The following ME3 variants were observed in gnomAD, a reference collection of about 807,000 sequenced individuals.
ME3 encodes the protein NADP-dependent malic enzyme, mitochondrial.
In ME3, 48 loss-of-function variants were observed where a neutral mutation model predicts 68.9. That is an observed-to-expected ratio of 0.70 (90% CI 0.55 to 0.89). The LOEUF (loss-of-function observed/expected upper bound fraction) is 0.89, where lower values mean the gene tolerates loss of function less well. Ranked by LOEUF, ME3 falls within the 40% of genes least tolerant of loss-of-function variation. The pLI is 0.00. For missense variants in ME3, 675 were observed against 797.4 expected, an observed-to-expected ratio of 0.85 and a Z score of 1.85; for synonymous variants, 320 against 318.8, an observed-to-expected ratio of 1.00 and a Z score of -0.04.
intron 2 of ME3, among the ~76,000 whole-genome samples, chr11:86,566,119 A>T (rs901992481): frequency 2.0e-5 from 3 of 152,168 alleles, no homozygotes; most frequent in African/African-American, 7.2e-5. Context: ...CAACACTGAC[A>T]ATAGTGATCC....
chr11:86,617,045 GTTTTTTTTTTTTTTTTTTTTTT>G (rs563738961), intron 2 of ME3, among the ~76,000 whole-genome samples: 1 of 56,300 alleles, frequency 1.8e-5, no homozygotes, highest in Admixed American at 3.5e-4. Flanking sequence ...CAAGATAGTA[GTTTTTTTTTTTTTTTTTTTTTT>G]TTTTTTTTTT....
At chr11:86,500,733 A>G (rs1304243700) in intron 5 of ME3, among the ~76,000 whole-genome samples, 1 of 152,140 alleles carries the variant, frequency 6.6e-6, no homozygotes, top group Non-Finnish European at 1.5e-5. Flanking sequence ...CATTCTTCCC[A>G]GGCACACTCT....
At chr11:86,510,702 C>A (rs1354301523) in intron 4 of ME3, among the ~76,000 whole-genome samples, 1 of 152,128 alleles carries the variant, frequency 6.6e-6, no homozygotes, top group African/African-American at 2.4e-5. Context: ...TTGTGACAAC[C>A]AAGAATATCT....
intron 2 of ME3, among the ~76,000 whole-genome samples, chr11:86,570,092 A>T (rs575585192): frequency 2.9e-4 from 44 of 152,278 alleles, no homozygotes; most frequent in Middle Eastern, 3.4e-3. Flanking sequence ...CACCTGGCCC[A>T]CGGCACACAC....
intron 2 of ME3, among the ~76,000 whole-genome samples, chr11:86,569,412 G>T (rs996933653): frequency 6.6e-6 from 1 of 152,002 alleles, no homozygotes; most frequent in Non-Finnish European, 1.5e-5. Flanking sequence ...CCAATCCACA[G>T]TCGACTACCT....
intron 8 of ME3, 40 bp downstream of exon 8, chr11:86,465,051 T>G (rs1480042316): frequency 6.7e-7 from 1 of 1,497,596 alleles, no homozygotes; most frequent in Admixed American, 1.7e-5. Flanking sequence ...AGAATATAAG[T>G]TAGTCCCCTG....
At chr11:86,536,748 T>A (rs12788651) in intron 4 of ME3, among the ~76,000 whole-genome samples, 12,934 of 147,776 alleles carry the variant, frequency 0.088, 601 homozygotes, top group Non-Finnish European at 0.098. Context: ...GGGATCTAGA[T>A]CTAGAAATAC....
intron 2 of ME3, among the ~76,000 whole-genome samples, chr11:86,670,314 T>C (rs1352441437): frequency 1.3e-5 from 2 of 152,152 alleles, no homozygotes; most frequent in South Asian, 2.1e-4. Context: ...CTTCACTGAA[T>C]AGAGCTTGAG....
At chr11:86,562,772 G>A (rs918438557) in intron 2 of ME3, among the ~76,000 whole-genome samples, 1 of 151,844 alleles carries the variant, frequency 6.6e-6, no homozygotes, top group Non-Finnish European at 1.5e-5. Context: ...CCATTACCCA[G>A]GTAGTGTGCA....
intron 2 of ME3, among the ~76,000 whole-genome samples, chr11:86,653,425 C>A (rs1048379020): frequency 6.6e-6 from 1 of 152,186 alleles, no homozygotes; most frequent in Non-Finnish European, 1.5e-5. Context: ...CAAACTAGAA[C>A]TCAGGATTAA....
chr11:86,621,891 A>G (rs1042305681), intron 2 of ME3, among the ~76,000 whole-genome samples: 3 of 152,052 alleles, frequency 2.0e-5, no homozygotes, highest in African/African-American at 7.3e-5. Flanking sequence ...AGAATGTGAA[A>G]TTACTTTTTC....
At chr11:86,583,601 G>T (rs1958567573) in intron 2 of ME3, among the ~76,000 whole-genome samples, 1 of 152,090 alleles carries the variant, frequency 6.6e-6, no homozygotes, top group African/African-American at 2.4e-5. Flanking sequence ...CAGGTGCAGT[G>T]GATGCTGTTA....
chr11:86,438,088 C>T (rs965072384), downstream of ME3, among the ~76,000 whole-genome samples: 1 of 152,124 alleles, frequency 6.6e-6, no homozygotes, highest in Non-Finnish European at 1.5e-5. Context: ...ATTCTTTTAC[C>T]ATTAAATATG....
chr11:86,441,309 G>C, exon 15 of ME3: 5 of 1,607,148 alleles, frequency 3.1e-6, no homozygotes, highest in Non-Finnish European at 4.2e-6. Context: ...TGGCTTCCTT[G>C]GGCCAAGTGT....
intron 2 of ME3, among the ~76,000 whole-genome samples, chr11:86,646,209 T>C (rs547186732): frequency 7.9e-5 from 12 of 152,170 alleles, no homozygotes; most frequent in Admixed American, 3.3e-4. Flanking sequence ...TGAGTTTGAA[T>C]TGACAGAAGT....
chr11:86,470,796 A>G (rs1164705611), intron 7 of ME3, among the ~76,000 whole-genome samples: 1 of 152,054 alleles, frequency 6.6e-6, no homozygotes, highest in African/African-American at 2.4e-5. Context: ...AGGACCCTAC[A>G]GTGACTGATT....
At chr11:86,560,742 G>GTATATATATATA (rs1201892920) in intron 2 of ME3, among the ~76,000 whole-genome samples, 270 of 58,208 alleles carry the variant, frequency 4.6e-3, no homozygotes, top group Middle Eastern at 8.8e-3. Context: ...GTGTGTGTGT[G>GTATATATATATA]TGTGTGTATA....
At chr11:86,605,651 G>A (rs1961517820) in intron 2 of ME3, among the ~76,000 whole-genome samples, 1 of 152,128 alleles carries the variant, frequency 6.6e-6, no homozygotes, top group Non-Finnish European at 1.5e-5. Context: ...CCTTAAAATA[G>A]TCATTAATCA....
intron 4 of ME3, among the ~76,000 whole-genome samples, chr11:86,531,956 C>T (rs953829386): frequency 6.8e-6 from 1 of 147,642 alleles, no homozygotes; most frequent in East Asian, 2.0e-4. Flanking sequence ...TGCACATGTA[C>T]CCTAAAACTT....
Sources: gnomAD v4.1 joint callset for allele counts (sites outside exome capture counted in the v4.1 genomes callset) on GRCh38, gnomAD v4.1.1 for gene constraint, MANE v1.5 for transcripts, NCBI Gene and HGNC (gene_info 2026-07-23, HGNC 2026-07-21) for gene names.